The following CDCA3 variants were observed in gnomAD, a reference collection of about 807,000 sequenced individuals.
The protein encoded by CDCA3 is cell division cycle-associated protein 3.
In CDCA3, 16 loss-of-function variants were observed where a neutral mutation model predicts 29.1. The observed-to-expected ratio is 0.55, with a 90% confidence interval of 0.37 to 0.83. The LOEUF (loss-of-function observed/expected upper bound fraction) is 0.83, where lower values mean the gene tolerates loss of function less well. CDCA3 is among the 40% of genes least tolerant of loss of function. CDCA3 has a pLI of 0.00. For synonymous variants in CDCA3, 88 were observed against 124.5 expected (o/e 0.71, Z 1.95); for missense variants, 291 against 327.2 (o/e 0.89, Z 0.85).
chr12:6,846,980 T>C, downstream of CDCA3: 1 of 787,878 alleles, frequency 1.3e-6, no homozygotes, highest in Non-Finnish European at 2.2e-6. Context: ...AGGTGTTCTC[T>C]TCTATATTCC....
At position 6,849,404 on chromosome 12, in the gene CDCA3, T is replaced by C; in HGVS notation, c.570A>G (p.Pro190=). ...SSGSMRNRWK[P]NSSKVLGRSP... is the part of the protein sequence containing the mutation. ...ATCTCCCTAGTACCTTGCTGCTGTT[T>C]GGTTTCCATCTATTGCGCATAGAAC... Residue 190 remains proline (P), a synonymous_variant, in exon 5 of 6, where the codon CCA becomes CCG. Coordinates refer to ENST00000538862, the MANE Select transcript of CDCA3 (RefSeq NM_031299.7). The surrounding 1 kb of genome is among the most constrained non-coding windows in gnomAD (Gnocchi z 5.2). 1 of 1,601,068 alleles carries C rather than the reference T, an allele frequency of 6.2e-7. No homozygotes were observed. The highest frequency in any genetic ancestry group is 8.5e-7 in the Non-Finnish European group (1 of 1,173,620).
rs1555125714 is a variant in CDCA3, at chr12:6,849,462, A to G, written c.545-33T>C. 4.5e-6 allele frequency: 7 copies of G among 1,559,970 alleles called. No individual in the cohort carries two copies. Among genetic ancestry groups the G allele is most frequent in the Non-Finnish European group, 6.1e-6 (7 of 1,152,150 alleles). On this transcript the variant is annotated intron_variant, in intron 4 of 5. Transcript: ENST00000538862. The surrounding 1 kb of genome is among the most constrained non-coding windows in gnomAD (Gnocchi z 5.2). ...GGGTAAGGCGTTAAAGCAAGGACCC[A>G]AAACTAGGACTTACAGTTTATTCCT...
In CDCA3 at chr12:6,850,446, T is replaced by C; in HGVS notation, c.250+21A>G. 1.2e-6 allele frequency: 2 copies of C among 1,613,658 alleles called. No individual in the cohort carries two copies. The highest frequency in any genetic ancestry group is 1.1e-5 in the South Asian group (1 of 91,066). On this transcript the variant is annotated intron_variant, in intron 3 of 5. Transcript: ENST00000538862. The surrounding 1 kb of genome is among the most constrained non-coding windows in gnomAD (Gnocchi z 4.7). The stretch of plus-strand genomic sequence containing the variant: ...ATAATAGATGACAGCTTCATCAGCA[T>C]TCCCTGGGCCCAACGCTTACCTCCA...
chr12:6,846,930 G>A (rs1555124883), downstream of CDCA3: 2 of 1,267,100 alleles, frequency 1.6e-6, no homozygotes, highest in Admixed American at 3.9e-5. Context: ...GGAAGGCAGT[G>A]AACACACTCA....
At chr12:6,851,143 C>G in intron 1 of CDCA3, 79 bp downstream of exon 1, 1 of 1,382,814 alleles carries the variant, frequency 7.2e-7, no homozygotes, top group South Asian at 1.7e-5. Context: ...GAGTTAATGA[C>G]TGCTGCAGCT....
At chr12:6,846,415 C>T (rs1038455883), downstream of CDCA3, 3 of 182,866 alleles carry the variant, frequency 1.6e-5, no homozygotes, top group Non-Finnish European at 3.4e-5. Context: ...TTTTCCAGCA[C>T]CTGTCAAGGT....
At chr12:6,845,585 G>C, downstream of CDCA3, 2 of 1,606,894 alleles carry the variant, frequency 1.2e-6, no homozygotes, top group Non-Finnish European at 1.7e-6. Flanking sequence ...CGTGCCCTCA[G>C]TTCTTCCCCA....
rs1446811240 is a variant in CDCA3, at chr12:6,850,069, A to G, written c.251-211T>C. The G allele has an allele frequency of 5.8e-6, 3 of 517,482 alleles. No individual in the cohort carries two copies. The highest frequency in any genetic ancestry group is 3.1e-5 in the East Asian group (1 of 32,208). 32.1% of individuals were successfully genotyped at this position (517,482 alleles called of 1,614,324 possible). A position where few individuals can be genotyped will look rare whatever the true frequency, so the allele number is the denominator to read the frequency against. On this transcript the variant is annotated intron_variant, in intron 3 of 5. Coordinates refer to ENST00000538862, the MANE Select transcript of CDCA3 (RefSeq NM_031299.7). This position sits in a 1 kb window ranked among gnomAD's most constrained non-coding sequence, Gnocchi z 4.7. ...GGCTGGAGTGCAGTGGCGTGATCACAGTTCACTGCAGCCTTGACCTTGTGG... is the reference window on the plus strand; with the variant it reads ...GGCTGGAGTGCAGTGGCGTGATCACGGTTCACTGCAGCCTTGACCTTGTGG...
chr12:6,849,997 G>T lies in CDCA3; in HGVS notation c.251-139C>A. 2.5e-6 allele frequency: 2 copies of T among 797,026 alleles called. No homozygotes were observed. The highest frequency in any genetic ancestry group is 3.7e-6 in the Non-Finnish European group (2 of 540,852). 49.4% of individuals were successfully genotyped at this position (797,026 alleles called of 1,614,324 possible). On this transcript the variant is annotated intron_variant, in intron 3 of 5. Coordinates refer to ENST00000538862, the MANE Select transcript of CDCA3 (RefSeq NM_031299.7). This position sits in a 1 kb window ranked among gnomAD's most constrained non-coding sequence, Gnocchi z 5.2. ...AGAAATCAAGGAAATCAAGGTGAAA[G>T]GGAGCAATTTTTTTTTTTTTTGAGA... is the stretch of plus-strand genomic sequence containing the variant.
downstream of CDCA3, chr12:6,846,014 C>G: frequency 3.5e-6 from 2 of 571,034 alleles, no homozygotes; most frequent in East Asian, 5.8e-5. Context: ...CTCTCCACTG[C>G]CCAATGCCAT....
downstream of CDCA3, chr12:6,845,389 G>T: frequency 1.7e-6 from 1 of 594,504 alleles, no homozygotes; most frequent in South Asian, 2.0e-5. Flanking sequence ...GTGCAGAGCG[G>T]GCGAGGGGCA....
rs1943848380 is a variant in CDCA3 at position 6,850,760 on chromosome 12, C to G, written c.120+73G>C. On this transcript the variant is annotated intron_variant, in intron 2 of 5. Transcript: ENST00000538862. This position sits in a 1 kb window ranked among gnomAD's most constrained non-coding sequence, Gnocchi z 4.7. Reference sequence around the variant, plus strand: ...GGATAAGGGTGGGGTCATGACGGCTCTCTCAAAATCAGGTTAGGAAGAGAC... The same window carrying G: ...GGATAAGGGTGGGGTCATGACGGCTGTCTCAAAATCAGGTTAGGAAGAGAC... 1 of 1,586,150 alleles carries G rather than the reference C, an allele frequency of 6.3e-7. No individual in the cohort carries two copies. The highest frequency in any genetic ancestry group is 1.3e-5 in the African/African-American group (1 of 74,320).
At position 6,849,159 on chromosome 12, in the gene CDCA3, G is replaced by T. The variant is rs1555125556; in HGVS notation, c.691C>A (p.Leu231Ile). 6.2e-7 allele frequency: 1 copy of T among 1,613,880 alleles called. No homozygotes were observed. The highest frequency in any genetic ancestry group is 1.7e-5 in the Admixed American group (1 of 60,026). ...PSPLSENVSE[L>I]KEGAILGTGR... Reference sequence around the variant, plus strand: ...GTTCCAAGAATGGCTCCTTCCTTTAGTTCACTAACATTTTCACTTAGGGGT... The same window carrying T: ...GTTCCAAGAATGGCTCCTTCCTTTATTTCACTAACATTTTCACTTAGGGGT... Residue 231 changes from leucine to isoleucine, a missense_variant, in exon 6 of 6, where the codon CTA becomes ATA. Leu to Ile is a conservative substitution (Grantham distance 5). Coordinates refer to ENST00000538862, the MANE Select transcript of CDCA3 (RefSeq NM_031299.7). This position sits in a 1 kb window ranked among gnomAD's most constrained non-coding sequence, Gnocchi z 5.2.
downstream of CDCA3, chr12:6,846,886 A>C: frequency 6.3e-7 from 1 of 1,581,456 alleles, no homozygotes; most frequent in Non-Finnish European, 8.6e-7. Context: ...GCTTCCTCAA[A>C]ATCTGGAACT....
At chr12:6,848,779 C>T, downstream of CDCA3, 2 of 470,900 alleles carry the variant, frequency 4.2e-6, no homozygotes, top group Non-Finnish European at 7.5e-6. Context: ...AACGCAAGCT[C>T]TCTAGGCCGC....
downstream of CDCA3, chr12:6,846,429 C>G (rs1239066407): frequency 1.0e-5 from 2 of 192,688 alleles, no homozygotes; most frequent in Non-Finnish European, 2.1e-5. Context: ...TCAAGGTGCC[C>G]TCGGGTTTTT....
Position 6,848,933 on chromosome 12 carries a change from G to A in CDCA3, c.*110C>T. ...TGTGAGTCCCAGTTTGGTAGCTGAGGAGGAGTCTAAGAAAACAAGCCATTC... is the reference window on the plus strand; with the variant it reads ...TGTGAGTCCCAGTTTGGTAGCTGAGAAGGAGTCTAAGAAAACAAGCCATTC... On this transcript the variant is annotated 3_prime_UTR_variant, in exon 6 of 6. Transcript: ENST00000538862. The A allele has an allele frequency of 1.6e-6, 1 of 629,054 alleles. No individual in the cohort carries two copies. 39.0% of individuals were successfully genotyped at this position (629,054 alleles called of 1,614,324 possible). A position where few individuals can be genotyped will look rare whatever the true frequency, so the allele number is the denominator to read the frequency against.
At chr12:6,848,195 T>C (rs1414457782), downstream of CDCA3, 4 of 151,768 alleles carry the variant, frequency 2.6e-5, no homozygotes, top group Admixed American at 2.0e-4. Flanking sequence ...ATAAAAAAAA[T>C]ACAAAAATTA....
Position 6,850,973 on chromosome 12 carries a change from T to G in CDCA3, c.-21A>C, listed in dbSNP as rs782421614. The G allele has an allele frequency of 6.2e-7, 1 of 1,602,960 alleles. No homozygotes were observed. The highest frequency in any genetic ancestry group is 8.5e-7 in the Non-Finnish European group (1 of 1,178,296). On this transcript the variant is annotated 5_prime_UTR_variant, in exon 2 of 6. Transcript: ENST00000538862. This position sits in a 1 kb window ranked among gnomAD's most constrained non-coding sequence, Gnocchi z 4.7. ...CCCATCTCAACCAGGAGTTGCAGGG[T>G]GGGGGCAAGGGCCAGCCCGGGACGA... is the stretch of plus-strand genomic sequence containing the variant.
Sources: gnomAD v4.1 joint callset for allele counts on GRCh38, gnomAD v4.1.1 for gene constraint, Gnocchi (gnomAD v3.1) non-coding constraint, MANE v1.5 for transcripts, NCBI Gene and HGNC (gene_info 2026-07-23, HGNC 2026-07-21) for gene names.